The following PARPBP variants were observed in gnomAD, a reference collection of about 807,000 sequenced individuals.
PARPBP encodes PCNA-interacting partner.
Under a neutral mutation model 50.0 loss-of-function variants are expected in PARPBP, and 52 were observed. The ratio of observed to expected loss-of-function variants is 1.04; its 90% CI spans 0.83 to 1.31. PARPBP has a LOEUF of 1.31. Ranked by LOEUF, PARPBP falls within the 50% of genes most tolerant of loss-of-function variation. The pLI is 0.00. For synonymous variants in PARPBP, 244 were observed against 232.1 expected (o/e 1.05, Z -0.47); for missense variants, 697 against 672.0 (o/e 1.04, Z -0.41).
At chr12:102,124,139 C>T in intron 2 of PARPBP, 98 bp downstream of exon 2, 1 of 789,328 alleles carries the variant, frequency 1.3e-6, no homozygotes, top group South Asian at 1.6e-5. Context: ...AATTTCTTTA[C>T]ATTATGTGCC....
intron 9 of PARPBP, among the ~76,000 whole-genome samples, chr12:102,192,259 A>T (rs759926876): frequency 6.6e-6 from 1 of 152,124 alleles, no homozygotes; most frequent in Non-Finnish European, 1.5e-5. Flanking sequence ...TATAGTGTCT[A>T]CATAGATTTC....
chr12:102,189,856 A>T (rs1890636943), intron 9 of PARPBP, among the ~76,000 whole-genome samples: 1 of 152,176 alleles, frequency 6.6e-6, no homozygotes, highest in Non-Finnish European at 1.5e-5. Context: ...TTAAGAACTC[A>T]AAAGTAAACG....
In PARPBP at chr12:102,175,465, T is replaced by C. The variant is rs1029383798; in HGVS notation, c.822-18T>C. On this transcript the variant is annotated intron_variant, in intron 6 of 10. Transcript: ENST00000327680. Reference sequence around the variant, plus strand: ...ATTTGCAATACTGCTATAGAGGCAATCTAATTTCTATTTTCAGCATTGCAG... The same window carrying C: ...ATTTGCAATACTGCTATAGAGGCAACCTAATTTCTATTTTCAGCATTGCAG... 3 of 1,589,482 alleles carry C rather than the reference T, an allele frequency of 1.9e-6. No homozygotes were observed. In the African/African-American group the frequency reaches 4.0e-5, roughly 21 times the overall value.
In PARPBP at chr12:102,190,556, C is replaced by T. The variant is rs370515281; in HGVS notation, c.1264-4756C>T. On this transcript the variant is annotated intron_variant, in intron 9 of 10. Transcript: ENST00000327680. ...CACAGCCCATCACCCTTGCCATAAA[C>T]AGTCAGCTCTTGAGGCTAAAGGAAG... 1.1e-4 allele frequency among the ~76,000 whole-genome samples: 17 copies of T among 152,234 alleles called. 1 individual carries two copies. The highest frequency in any genetic ancestry group is 2.0e-4 in the Admixed American group (3 of 15,278).
At chr12:102,153,776 C>T in intron 3 of PARPBP, 93 bp from the exon 4 acceptor site, 1 of 685,842 alleles carries the variant, frequency 1.5e-6, no homozygotes, top group East Asian at 2.5e-5. Context: ...ATACTCTCAA[C>T]TGAAACATCA....
intron 2 of PARPBP, among the ~76,000 whole-genome samples, chr12:102,145,955 A>G (rs1885286593): frequency 6.6e-6 from 1 of 152,066 alleles, no homozygotes; most frequent in Non-Finnish European, 1.5e-5. Context: ...TAGTAATGAA[A>G]CATAATTTTA....
chr12:102,122,684 C>T (rs1007393885), intron 1 of PARPBP, among the ~76,000 whole-genome samples: 1 of 152,158 alleles, frequency 6.6e-6, no homozygotes, highest in African/African-American at 2.4e-5. Flanking sequence ...TTGTGTGCAT[C>T]AGGAGAAGTT....
chr12:102,158,321 A>G (rs1448827807), intron 4 of PARPBP, among the ~76,000 whole-genome samples: 1 of 152,028 alleles, frequency 6.6e-6, no homozygotes, highest in Non-Finnish European at 1.5e-5. Context: ...AGCAAATTAG[A>G]TATTTATTCT....
At chr12:102,195,862 A>T in intron 10 of PARPBP, 89 bp from the exon 11 acceptor site, 1 of 772,694 alleles carries the variant, frequency 1.3e-6, no homozygotes, top group Non-Finnish European at 2.1e-6. Flanking sequence ...AATATTCGTT[A>T]GCCATTTTTA....
chr12:102,178,019 G>C (rs945237529), intron 7 of PARPBP, among the ~76,000 whole-genome samples: 5 of 152,198 alleles, frequency 3.3e-5, no homozygotes, highest in African/African-American at 1.2e-4. Context: ...TTAGCATTCT[G>C]TAATGCAATT....
intron 8 of PARPBP, among the ~76,000 whole-genome samples, chr12:102,181,394 G>A (rs1889811462): frequency 1.3e-5 from 2 of 152,130 alleles, no homozygotes; most frequent in Admixed American, 6.6e-5. Flanking sequence ...AGGCAATTTT[G>A]TCATGTGAAC....
At chr12:102,163,427 A>G (rs1223290029) in intron 4 of PARPBP, among the ~76,000 whole-genome samples, 2 of 152,080 alleles carry the variant, frequency 1.3e-5, no homozygotes, top group African/African-American at 4.8e-5. Context: ...GTTTATATTC[A>G]TTTTGTTTGG....
At chr12:102,167,050 G>A (rs1042391883) in intron 6 of PARPBP, among the ~76,000 whole-genome samples, 1 of 152,042 alleles carries the variant, frequency 6.6e-6, no homozygotes, top group Non-Finnish European at 1.5e-5. Flanking sequence ...TGCCCTTGAA[G>A]ATATTCCTTC....
chr12:102,152,503 A>G (rs1172925095), intron 3 of PARPBP, among the ~76,000 whole-genome samples: 2 of 152,220 alleles, frequency 1.3e-5, no homozygotes, highest in African/African-American at 4.8e-5. Context: ...TGTGGTAAGA[A>G]TTTATTTACT....
chr12:102,151,833 C>T, intron 3 of PARPBP: 1 of 1,478,178 alleles, frequency 6.8e-7, no homozygotes, highest in Non-Finnish European at 9.1e-7. Flanking sequence ...CGCTTCAGAA[C>T]ATTGAAGAAG....
intron 2 of PARPBP, among the ~76,000 whole-genome samples, chr12:102,133,284 T>C (rs1035958459): frequency 1.3e-5 from 2 of 152,192 alleles, no homozygotes; most frequent in African/African-American, 4.8e-5. Flanking sequence ...GCTGTGAGTT[T>C]GTCATATATG....
chr12:102,184,063 A>AAAAAAG, intron 9 of PARPBP, among the ~76,000 whole-genome samples: 1 of 151,362 alleles, frequency 6.6e-6, no homozygotes, highest in South Asian at 2.1e-4. Context: ...AAAAAAAAAA[A>AAAAAAG]AAAGAAAGAA....
chr12:102,160,074 C>G (rs1165115529), intron 4 of PARPBP, among the ~76,000 whole-genome samples: 2 of 152,192 alleles, frequency 1.3e-5, no homozygotes, highest in African/African-American at 2.4e-5. Context: ...TGCTCTTGGA[C>G]ATCATAACTA....
rs547096641 is a variant in PARPBP, at chr12:102,130,857, GA to G, written c.153+6827del. Among the ~76,000 whole-genome samples the G allele has an allele frequency of 1.7e-3, 234 of 135,624 alleles. 1 individual carries two copies. Among genetic ancestry groups the G allele is most frequent in the African/African-American group, 5.3e-3 (195 of 37,032 alleles). The allele number at this position is 135,624 out of a possible 152,430, so 89.0% of individuals were successfully genotyped here. A position where few individuals can be genotyped will look rare whatever the true frequency, so the allele number is the denominator to read the frequency against. On this transcript the variant is annotated intron_variant, in intron 2 of 10. Transcript: ENST00000327680. ...GCAACAAGAGTGAAACACCATCTCA[GA>G]AAAAAAAAAACCTAAAAAAAAGAAG...
Sources: allele counts gnomAD v4.1 joint callset (sites outside exome capture counted in the v4.1 genomes callset), GRCh38; gene constraint gnomAD v4.1.1; transcripts MANE v1.5; gene names NCBI Gene and HGNC (gene_info 2026-07-23, HGNC 2026-07-21).